Variants in MIA3 observed in about 807,000 individuals in gnomAD.
The protein encoded by MIA3 is transport and Golgi organization protein 1 homolog.
In MIA3, 90 loss-of-function variants were observed where a neutral mutation model predicts 192.4. The ratio of observed to expected loss-of-function variants is 0.47; its 90% CI spans 0.39 to 0.56. The LOEUF is 0.56. Among genes scored for constraint, MIA3 ranks in the 20% least tolerant of loss-of-function variants. The probability of loss-of-function intolerance (pLI) is 0.00; values close to 1 mark genes in which losing one functional copy is unlikely to be tolerated. For missense variants in MIA3, 2,123 were observed against 2,269.4 expected (o/e 0.94, Z 1.31); for synonymous variants, 740 against 792.8 (o/e 0.93, Z 1.12).
At chr1:222,625,009 T>G (rs891489397) in intron 3 of MIA3, among the ~76,000 whole-genome samples, 155 bp downstream of exon 3, 3 of 152,106 alleles carry the variant, frequency 2.0e-5, no homozygotes, top group African/African-American at 7.2e-5. Context: ...TATAAGGCTA[T>G]GTACTCTTTT....
chr1:222,645,255 A>G (rs1040371049), intron 6 of MIA3, among the ~76,000 whole-genome samples: 60 of 152,232 alleles, frequency 3.9e-4, no homozygotes, highest in African/African-American at 1.4e-3. Context: ...TATGATGCAG[A>G]GAGATTCCAG....
chr1:222,661,917 G>T (rs544663900), intron 24 of MIA3, 139 bp from the exon 25 acceptor site: 6 of 641,380 alleles, frequency 9.4e-6, no homozygotes, highest in South Asian at 2.0e-5. Context: ...TGCATAAATT[G>T]TAAGTGATTT....
At chr1:222,657,716 G>A (rs1225890898) in intron 18 of MIA3, among the ~76,000 whole-genome samples, 4 of 152,168 alleles carry the variant, frequency 2.6e-5, no homozygotes, top group Non-Finnish European at 2.9e-5. Context: ...ACATTCAGCT[G>A]TGAGCTCCAT....
At chr1:222,626,729 C>A (rs912933632) in intron 3 of MIA3, among the ~76,000 whole-genome samples, 2 of 152,174 alleles carry the variant, frequency 1.3e-5, no homozygotes, top group African/African-American at 4.8e-5. Flanking sequence ...CTCCTTTACA[C>A]CATTCTTTGT....
At chr1:222,632,678 C>T (rs949868332) in intron 5 of MIA3, among the ~76,000 whole-genome samples, 2 of 152,204 alleles carry the variant, frequency 1.3e-5, no homozygotes, top group African/African-American at 4.8e-5. Flanking sequence ...GTTTAACAAG[C>T]CCTCCAGGAA....
Position 222,653,054 on chromosome 1 carries a change from G to C in MIA3, c.4133G>C (p.Ser1378Thr). The C allele has an allele frequency of 1.2e-6, 2 of 1,613,210 alleles. No individual in the cohort carries two copies. The highest frequency in any genetic ancestry group is 2.2e-5 in the South Asian group (2 of 91,050). ...EDWSKLHAEL[S>T]EQIKSFEKSQ... ...TGGAGTAAATTACATGCTGAGCTCA[G>C]TGAGCAAATCAAATCATTTGAGAAG... Residue 1378 changes from serine (S) to threonine (T), a missense_variant, in exon 14 of 28, where the codon AGT becomes ACT. Physicochemically the swap from Ser to Thr is moderately conservative, Grantham distance 58 (BLOSUM62 1). Around this residue, in one of 3 missense-constraint regions of MIA3, gnomAD observed 762 missense variants for 856.4 expected, o/e 0.89. Coordinates refer to ENST00000344922, the MANE Select transcript of MIA3 (RefSeq NM_198551.4).
chr1:222,630,608 G>A (rs74406921), intron 4 of MIA3, among the ~76,000 whole-genome samples: 2,338 of 152,280 alleles, frequency 0.015, 62 homozygotes, highest in African/African-American at 0.053. Flanking sequence ...AGACTGGTTA[G>A]CATTTTCAAA....
intron 26 of MIA3, among the ~76,000 whole-genome samples, chr1:222,663,261 T>C (rs1213379370): frequency 6.6e-6 from 1 of 152,200 alleles, no homozygotes. Context: ...ACTCCAGGAA[T>C]ACACATTTCT....
At chr1:222,641,619 G>T in intron 6 of MIA3, 2 of 529,522 alleles carry the variant, frequency 3.8e-6, no homozygotes, top group South Asian at 2.8e-5. Context: ...CTACATCAAT[G>T]AGCACATGTT....
Position 222,627,811 on chromosome 1 carries a change from T to A in MIA3, c.591T>A (p.Thr197=). The change falls in exon 4 of 28, where the codon ACT becomes ACA. Residue 197 remains threonine, a synonymous_variant. Transcript: ENST00000344922. ...GTGATAGTGTATTCTCAGAAAACACTGAGGATCTTCAGGAACAGTTTACAA... is the reference window on the plus strand; with the variant it reads ...GTGATAGTGTATTCTCAGAAAACACAGAGGATCTTCAGGAACAGTTTACAA... The part of the protein sequence containing the change: ...EESDSVFSEN[T]EDLQEQFTTQ... The A allele has an allele frequency of 6.2e-7, 1 of 1,613,992 alleles. No homozygotes were observed. The highest frequency in any genetic ancestry group is 1.1e-5 in the South Asian group (1 of 91,052).
intron 6 of MIA3, among the ~76,000 whole-genome samples, chr1:222,643,350 A>AT (rs1028456943): frequency 3.5e-4 from 53 of 151,962 alleles, no homozygotes; most frequent in Admixed American, 8.5e-4. Flanking sequence ...CTATTTCTGG[A>AT]TTTTTTATTC....
At chr1:222,660,471 T>C in intron 24 of MIA3, 157 bp downstream of exon 24, 1 of 548,630 alleles carries the variant, frequency 1.8e-6, no homozygotes, top group Non-Finnish European at 3.0e-6. Context: ...AGTATTCAAC[T>C]GCAAGATTTG....
chr1:222,632,567 C>T (rs1662447140), intron 5 of MIA3, among the ~76,000 whole-genome samples: 1 of 152,182 alleles, frequency 6.6e-6, no homozygotes, highest in African/African-American at 2.4e-5. Flanking sequence ...TAAATTATTT[C>T]AATCTAAAAT....
At chr1:222,659,210 A>G (rs921454297) in intron 19 of MIA3, 6 of 507,740 alleles carry the variant, frequency 1.2e-5, no homozygotes, top group African/African-American at 2.0e-5. Flanking sequence ...ATTTGAGAAC[A>G]TATTTAGGAA....
chr1:222,653,904 T>G (rs139063897), intron 15 of MIA3, among the ~76,000 whole-genome samples: 77 of 152,340 alleles, frequency 5.1e-4, no homozygotes, highest in African/African-American at 1.8e-3. Flanking sequence ...GCTTGTGTAG[T>G]GGGTGTTTTA....
rs1662188543 is a variant in MIA3, at chr1:222,627,795, T to C, written c.575T>C (p.Val192Ala). 6.2e-7 allele frequency: 1 copy of C among 1,613,900 alleles called. No individual in the cohort carries two copies. Among genetic ancestry groups the C allele is most frequent in the Non-Finnish European group, 8.5e-7 (1 of 1,179,964 alleles). The change falls in exon 4 of 28, where the codon GTA becomes GCA. Residue 192 changes from valine (V) to alanine (A), a missense_variant. Val to Ala is a moderately conservative substitution (Grantham distance 64). This residue lies in a region of MIA3 where 1,357 missense variants were observed against 1,396.1 expected (regional missense o/e 0.97). Coordinates refer to ENST00000344922, the MANE Select transcript of MIA3 (RefSeq NM_198551.4). ...GCCAACTCAGAGGAAAGTGATAGTG[T>C]ATTCTCAGAAAACACTGAGGATCTT... ...VEANSEESDS[V>A]FSENTEDLQE...
At chr1:222,630,437 T>G (rs1407477756) in intron 4 of MIA3, 48 bp downstream of exon 4, 4 of 1,530,692 alleles carry the variant, frequency 2.6e-6, no homozygotes, top group Non-Finnish European at 2.6e-6. Context: ...AGCAGGTGGG[T>G]GGGTCGCTGA....
rs771240855 is a variant in MIA3 at position 222,629,411 on chromosome 1, C to T, written c.2191C>T (p.Leu731=). The T allele has an allele frequency of 1.2e-6, 2 of 1,614,134 alleles. No individual in the cohort carries two copies. Among genetic ancestry groups the T allele is most frequent in the Admixed American group, 1.7e-5 (1 of 60,028 alleles). ...GGATGATTATCCCTCTGAAGAACTA[C>T]TAGAGGATGAAAACGCTATAAATGC... The part of the protein sequence containing the change: ...EEDDYPSEEL[L]EDENAINAKR... Residue 731 remains leucine, a synonymous_variant, in exon 4 of 28, where the codon CTA becomes TTA. Coordinates refer to ENST00000344922, the MANE Select transcript of MIA3 (RefSeq NM_198551.4).
At chr1:222,618,906 G>A (rs773564222) in intron 1 of MIA3, among the ~76,000 whole-genome samples, 11 of 152,134 alleles carry the variant, frequency 7.2e-5, no homozygotes, top group Non-Finnish European at 1.6e-4. Flanking sequence ...ATTGTATTCC[G>A]AGGTCTCTGC....
Sources: gnomAD v4.1 joint callset for allele counts (sites outside exome capture counted in the v4.1 genomes callset) on GRCh38, gnomAD v4.1.1 for gene constraint, gnomAD v4.1.1 regional missense constraint, MANE v1.5 for transcripts, NCBI Gene and HGNC (gene_info 2026-07-23, HGNC 2026-07-21) for gene names.